PTPN12: variants seen among roughly 807,000 people sequenced by gnomAD.
PTPN12 encodes the protein protein tyrosine phosphatase non-receptor type 12.
In PTPN12, 29 loss-of-function variants were observed where a neutral mutation model predicts 97.6. That is an observed-to-expected ratio of 0.30 (90% CI 0.22 to 0.41). PTPN12 has a LOEUF of 0.41. PTPN12 is among the 10% of genes least tolerant of loss of function. The pLI is 1.00. For missense variants in PTPN12, 819 were observed against 926.0 expected (o/e 0.88, Z 1.50); for synonymous variants, 327 against 300.4 (o/e 1.09, Z -0.91).
chr7:77,557,058 G>T (rs1438623801), intron 1 of PTPN12, among the ~76,000 whole-genome samples: 1 of 151,816 alleles, frequency 6.6e-6, no homozygotes, highest in Non-Finnish European at 1.5e-5. Context: ...CCTCAACCTC[G>T]TGGCCTCATG....
chr7:77,618,411 T>G (rs1788824104), intron 11 of PTPN12, 69 bp from the exon 12 acceptor site: 2 of 1,027,670 alleles, frequency 1.9e-6, no homozygotes, highest in African/African-American at 1.7e-5. Context: ...CAGAAACAAT[T>G]TAGTTGAAAC....
intron 1 of PTPN12, among the ~76,000 whole-genome samples, chr7:77,562,912 G>C (rs1263445216): frequency 6.8e-6 from 1 of 146,082 alleles, no homozygotes; most frequent in Non-Finnish European, 1.5e-5. Flanking sequence ...TCTCACGAAG[G>C]GACAGGAGAG....
intron 2 of PTPN12, among the ~76,000 whole-genome samples, chr7:77,575,353 ACTCT>A (rs1478977433): frequency 6.6e-6 from 1 of 150,906 alleles, no homozygotes; most frequent in Admixed American, 6.6e-5. Flanking sequence ...ACACACACAT[ACTCT>A]CTCTTTCTCT....
intron 9 of PTPN12, 30 bp from the exon 10 acceptor site, chr7:77,610,735 A>G (rs1788542163): frequency 5.2e-6 from 8 of 1,552,068 alleles, no homozygotes; most frequent in Non-Finnish European, 7.0e-6. Context: ...ATAGATACAC[A>G]AAGTTGATGT....
At chr7:77,623,952 C>A (rs1194274138) in intron 12 of PTPN12, among the ~76,000 whole-genome samples, 1 of 152,058 alleles carries the variant, frequency 6.6e-6, no homozygotes, top group Non-Finnish European at 1.5e-5. Flanking sequence ...TTGACAGCCA[C>A]TCTTTCAGAT....
chr7:77,617,829 C>T (rs1339995893), intron 11 of PTPN12, among the ~76,000 whole-genome samples: 1 of 152,072 alleles, frequency 6.6e-6, no homozygotes, highest in Non-Finnish European at 1.5e-5. Context: ...TCTGAAACAT[C>T]AATGTTAATG....
chr7:77,555,208 A>AT (rs1807652743), intron 1 of PTPN12, among the ~76,000 whole-genome samples: 5 of 148,096 alleles, frequency 3.4e-5, no homozygotes, highest in Non-Finnish European at 7.4e-5. Flanking sequence ...TTTTTAAACG[A>AT]TTTGTTTATC....
chr7:77,574,679 AAT>A (rs1787280969), intron 2 of PTPN12, among the ~76,000 whole-genome samples: 1 of 152,210 alleles, frequency 6.6e-6, no homozygotes. Flanking sequence ...TTCTCGCCAA[AAT>A]ATATGAGTGT....
intron 6 of PTPN12, among the ~76,000 whole-genome samples, chr7:77,593,570 A>G (rs951258150): frequency 1.3e-5 from 2 of 152,204 alleles, no homozygotes; most frequent in African/African-American, 2.4e-5. Context: ...GGATGAGCCA[A>G]TGTTGCAGAT....
chr7:77,593,269 CAAA>C (rs34709584), intron 6 of PTPN12, among the ~76,000 whole-genome samples: 182 of 141,288 alleles, frequency 1.3e-3, no homozygotes, highest in African/African-American at 3.3e-3. Context: ...AACTCCATCT[CAAA>C]AAAAAAAAAA....
At chr7:77,632,262 C>T in intron 13 of PTPN12, 86 bp from the exon 14 acceptor site, 4 of 1,023,916 alleles carry the variant, frequency 3.9e-6, no homozygotes, top group Non-Finnish European at 6.0e-6. Flanking sequence ...ATATTTGTGA[C>T]AGGAATTTTT....
chr7:77,557,360 G>C (rs1384335812), intron 1 of PTPN12, among the ~76,000 whole-genome samples: 1 of 152,136 alleles, frequency 6.6e-6, no homozygotes, highest in Admixed American at 6.5e-5. Context: ...TTTGCTGTGT[G>C]AGTGTTTCTG....
At chr7:77,636,995 G>A (rs746505577) in intron 15 of PTPN12, 23 bp from the exon 16 acceptor site, 3 of 1,576,790 alleles carry the variant, frequency 1.9e-6, no homozygotes, top group South Asian at 2.3e-5. Context: ...TATTGTAATA[G>A]GTATTAAATG....
chr7:77,606,246 G>T (rs987616711), intron 8 of PTPN12, among the ~76,000 whole-genome samples: 1 of 151,906 alleles, frequency 6.6e-6, no homozygotes, highest in Admixed American at 6.6e-5. Flanking sequence ...GAGCCCCTGC[G>T]CCCAGCCACA....
chr7:77,616,035 G>C (rs1788739343), intron 11 of PTPN12, among the ~76,000 whole-genome samples: 1 of 152,148 alleles, frequency 6.6e-6, no homozygotes, highest in Non-Finnish European at 1.5e-5. Flanking sequence ...GGTTCTTCCT[G>C]TTAATGGCTT....
At chr7:77,552,710 A>G (rs1381624150) in intron 1 of PTPN12, among the ~76,000 whole-genome samples, 2 of 152,194 alleles carry the variant, frequency 1.3e-5, no homozygotes, top group African/African-American at 4.8e-5. Context: ...GAAGTAACAT[A>G]TCTTTGTTAG....
chr7:77,583,892 A>G, intron 4 of PTPN12: 1 of 338,158 alleles, frequency 3.0e-6, no homozygotes. Flanking sequence ...GTAAGTAATG[A>G]TACAGCTATC....
intron 1 of PTPN12, among the ~76,000 whole-genome samples, chr7:77,561,587 G>A (rs2151308469): frequency 6.6e-6 from 1 of 152,182 alleles, no homozygotes; most frequent in East Asian, 1.9e-4. Context: ...CTACACAAGT[G>A]ACTCTTCCTG....
At chr7:77,594,685 G>A (rs890758559) in intron 6 of PTPN12, among the ~76,000 whole-genome samples, 1 of 151,958 alleles carries the variant, frequency 6.6e-6, no homozygotes, top group African/African-American at 2.4e-5. Context: ...TTGTCTTTTT[G>A]TAGAGACGAG....
Sources: gnomAD v4.1 joint callset for allele counts (sites outside exome capture counted in the v4.1 genomes callset) on GRCh38, gnomAD v4.1.1 for gene constraint, MANE v1.5 for transcripts, NCBI Gene and HGNC (gene_info 2026-07-23, HGNC 2026-07-21) for gene names.